Variants in LMX1A observed in about 807,000 individuals in gnomAD.
LMX1A encodes the protein LIM homeobox transcription factor 1 alpha, also known as LIM homeobox transcription factor 1-alpha.
A neutral mutation model predicts 49.1 loss-of-function variants in LMX1A; 15 were observed. The observed-to-expected ratio is 0.31, with a 90% CI of 0.20 to 0.47. The LOEUF is 0.47. Among genes scored for constraint, LMX1A ranks in the 20% least tolerant of loss-of-function variants. The probability of loss-of-function intolerance (pLI) is 1.00; values close to 1 mark genes in which losing one functional copy is unlikely to be tolerated. For missense variants in LMX1A, 372 were observed against 475.8 expected, an observed-to-expected ratio of 0.78 and a Z score of 2.03; for synonymous variants, 167 against 185.7, an observed-to-expected ratio of 0.90 and a Z score of 0.82.
intron 3 of LMX1A, among the ~76,000 whole-genome samples, chr1:165,352,253 T>A (rs1656450293): frequency 6.6e-6 from 1 of 152,216 alleles, no homozygotes; most frequent in Admixed American, 6.5e-5. Flanking sequence ...TTTCGAAATA[T>A]CCACTTTCTT....
chr1:165,269,095 T>C (rs1041765703), intron 3 of LMX1A, among the ~76,000 whole-genome samples: 1 of 152,228 alleles, frequency 6.6e-6, no homozygotes, highest in East Asian at 1.9e-4. Context: ...CTTACTCCCA[T>C]CACCTCACCA....
intron 3 of LMX1A, among the ~76,000 whole-genome samples, chr1:165,333,098 T>A (rs1655796071): frequency 6.6e-6 from 1 of 152,118 alleles, no homozygotes; most frequent in African/African-American, 2.4e-5. Context: ...TGATACAGAG[T>A]CTGTTTTCCT....
At chr1:165,276,514 C>G (rs1653972918) in intron 3 of LMX1A, among the ~76,000 whole-genome samples, 1 of 152,210 alleles carries the variant, frequency 6.6e-6, no homozygotes. Flanking sequence ...GGAGAATGAA[C>G]AGCCAGTGGC....
chr1:165,324,829 C>T (rs1394449), intron 3 of LMX1A, among the ~76,000 whole-genome samples: 130,891 of 152,144 alleles, frequency 0.86, 57,113 homozygotes, highest in East Asian at 0.94. Flanking sequence ...TTTTCTGACT[C>T]CAAATACAGT....
Position 165,213,754 on chromosome 1 carries a change from C to T in LMX1A, c.556G>A (p.Ala186Thr), listed in dbSNP as rs769504464. 1 of 1,614,106 alleles carries T rather than the reference C, an allele frequency of 6.2e-7. No homozygotes were observed. Among genetic ancestry groups the T allele is most frequent in the South Asian group, 1.1e-5 (1 of 91,076 alleles). ...CGCTTATGGTCCTTGCCTTCCTCAG[C>T]AGTTCCTTTCCCTGCCCCATGGGCT... ...KSAHGAGKGT[A>T]EEGKDHKRPK... Residue 186 changes from alanine to threonine, a missense_variant, in exon 5 of 9, where the codon GCT becomes ACT. This residue lies in a region of LMX1A where 199 missense variants were observed against 244.0 expected (regional missense o/e 0.82). Coordinates refer to ENST00000342310, the MANE Select transcript of LMX1A (RefSeq NM_177398.4).
chr1:165,300,578 G>A (rs1422335495), intron 3 of LMX1A, among the ~76,000 whole-genome samples: 1 of 152,122 alleles, frequency 6.6e-6, no homozygotes, highest in Non-Finnish European at 1.5e-5. Context: ...AGGACCAATG[G>A]TCAAGTCCAT....
At chr1:165,341,531 A>G (rs566333236) in intron 3 of LMX1A, among the ~76,000 whole-genome samples, 3 of 152,164 alleles carry the variant, frequency 2.0e-5, no homozygotes, top group African/African-American at 7.2e-5. Flanking sequence ...AAACCAAAAC[A>G]AGAAGTGTCT....
intron 4 of LMX1A, among the ~76,000 whole-genome samples, chr1:165,237,463 C>T (rs1256893811): frequency 5.3e-5 from 8 of 152,206 alleles, no homozygotes; most frequent in Admixed American, 2.0e-4. Flanking sequence ...GTGATCCGCC[C>T]GCCTCGGCCT....
At chr1:165,260,454 T>C (rs1653398352) in intron 3 of LMX1A, among the ~76,000 whole-genome samples, 1 of 152,116 alleles carries the variant, frequency 6.6e-6, no homozygotes, top group African/African-American at 2.4e-5. Flanking sequence ...CACCAAACTC[T>C]CCATAAATCC....
At chr1:165,343,395 AAATAATAATAAT>A (rs56236301) in intron 3 of LMX1A, among the ~76,000 whole-genome samples, 3,797 of 149,230 alleles carry the variant, frequency 0.025, 139 homozygotes, top group African/African-American at 0.076. Context: ...ACTCATATAT[AAATAATAATAAT>A]AATAATAATA....
intron 3 of LMX1A, among the ~76,000 whole-genome samples, chr1:165,335,070 A>T (rs1196044691): frequency 6.6e-6 from 1 of 152,212 alleles, no homozygotes; most frequent in East Asian, 1.9e-4. Context: ...GAAAGAAAAT[A>T]TTTCTATGTA....
At chr1:165,314,695 G>A (rs1655171468) in intron 3 of LMX1A, among the ~76,000 whole-genome samples, 1 of 151,906 alleles carries the variant, frequency 6.6e-6, no homozygotes, top group African/African-American at 2.4e-5. Flanking sequence ...AGAGAACACA[G>A]ATGTTCAGGG....
chr1:165,236,852 G>T (rs1353339415), intron 4 of LMX1A, among the ~76,000 whole-genome samples: 3 of 144,342 alleles, frequency 2.1e-5, no homozygotes, highest in Non-Finnish European at 4.5e-5. Context: ...GGAGTTCAAA[G>T]TTTTTTTTTT....
intron 4 of LMX1A, among the ~76,000 whole-genome samples, chr1:165,241,683 A>T (rs1652660944): frequency 6.6e-6 from 1 of 152,250 alleles, no homozygotes; most frequent in East Asian, 1.9e-4. Context: ...GACAAGGATA[A>T]TCCCAGAGAA....
intron 3 of LMX1A, among the ~76,000 whole-genome samples, chr1:165,309,446 G>A (rs112262468): frequency 1.3e-5 from 2 of 152,178 alleles, no homozygotes; most frequent in Non-Finnish European, 1.5e-5. Context: ...CGCCAGAGAC[G>A]CAAGGGCACC....
chr1:165,242,014 T>C (rs766765528), intron 4 of LMX1A, among the ~76,000 whole-genome samples: 1 of 152,232 alleles, frequency 6.6e-6, no homozygotes, highest in Non-Finnish European at 1.5e-5. Context: ...ATGTGAGGAA[T>C]CTTCTTTCTG....
intron 6 of LMX1A, among the ~76,000 whole-genome samples, chr1:165,209,143 C>A (rs1398766945): frequency 6.6e-6 from 1 of 152,144 alleles, no homozygotes; most frequent in Non-Finnish European, 1.5e-5. Flanking sequence ...AATCCATAGG[C>A]TATAGGGCCT....
chr1:165,313,726 C>T (rs1490869349), intron 3 of LMX1A, among the ~76,000 whole-genome samples: 1 of 152,158 alleles, frequency 6.6e-6, no homozygotes, highest in South Asian at 2.1e-4. Flanking sequence ...CTGCCAGTGC[C>T]TCTTGCTGGT....
rs1292171090 is a variant in LMX1A at position 165,202,658 on chromosome 1, A to T, written c.*1222T>A. ...AGGCCCGCAAGCAGGAGTTTGCCCAACCCTGCTCTAGAACACCACCAGGCC... is the reference window on the plus strand; with the variant it reads ...AGGCCCGCAAGCAGGAGTTTGCCCATCCCTGCTCTAGAACACCACCAGGCC... On this transcript the variant is annotated 3_prime_UTR_variant, in exon 9 of 9. Transcript: ENST00000342310. 6.6e-6 allele frequency: 1 copy of T among 151,934 alleles called. No homozygotes were observed. Among genetic ancestry groups the T allele is most frequent in the Non-Finnish European group, 1.5e-5 (1 of 68,006 alleles). 9.4% of individuals were successfully genotyped at this position (151,934 alleles called of 1,614,324 possible).
Sources: gnomAD v4.1 joint callset for allele counts (sites outside exome capture counted in the v4.1 genomes callset) on GRCh38, gnomAD v4.1.1 for gene constraint, gnomAD v4.1.1 regional missense constraint, MANE v1.5 for transcripts, NCBI Gene and HGNC (gene_info 2026-07-23, HGNC 2026-07-21) for gene names.